FHIT: variants seen among roughly 807,000 people sequenced by gnomAD.
FHIT encodes bis(5'-adenosyl)-triphosphatase.
Under a neutral mutation model 17.9 loss-of-function variants are expected in FHIT, and 19 were observed. The observed-to-expected ratio is 1.06, with a 90% confidence interval of 0.74 to 1.56. The LOEUF is 1.56. FHIT is among the 40% of genes most tolerant of loss of function. The pLI is 0.00. For missense variants in FHIT, 248 were observed against 189.2 expected (o/e 1.31, Z -1.82); for synonymous variants, 81 against 69.7 (o/e 1.16, Z -0.81).
intron 5 of FHIT, among the ~76,000 whole-genome samples, chr3:60,414,846 C>T (rs917120767): frequency 6.6e-6 from 1 of 152,142 alleles, no homozygotes; most frequent in South Asian, 2.1e-4. Flanking sequence ...TTGACCTCAT[C>T]TGGTTTGAAA....
intron 4 of FHIT, among the ~76,000 whole-genome samples, chr3:60,601,646 C>G (rs1553668814): frequency 6.6e-6 from 1 of 152,098 alleles, no homozygotes; most frequent in African/African-American, 2.4e-5. Flanking sequence ...TGCAAACTTA[C>G]TACCTGAATG....
intron 5 of FHIT, among the ~76,000 whole-genome samples, chr3:60,307,776 A>G (rs1473807105): frequency 6.6e-6 from 1 of 152,140 alleles, no homozygotes; most frequent in Non-Finnish European, 1.5e-5. Context: ...TTTCCCTACT[A>G]TGATGATCCC....
intron 5 of FHIT, among the ~76,000 whole-genome samples, chr3:60,468,180 T>C (rs952801813): frequency 1.3e-5 from 2 of 152,100 alleles, no homozygotes; most frequent in Non-Finnish European, 2.9e-5. Flanking sequence ...TCTATGTGTG[T>C]CTTTATATTA....
chr3:60,400,600 C>T (rs1289740591), intron 5 of FHIT, among the ~76,000 whole-genome samples: 3 of 152,046 alleles, frequency 2.0e-5, no homozygotes, highest in African/African-American at 7.2e-5. Flanking sequence ...GAGGTGCTGG[C>T]ATGCACACAG....
chr3:59,991,697 G>A (rs1029460605), intron 7 of FHIT, among the ~76,000 whole-genome samples: 1 of 151,982 alleles, frequency 6.6e-6, no homozygotes, highest in Non-Finnish European at 1.5e-5. Flanking sequence ...CCTGGCTCCT[G>A]AATCTTTTTA....
At chr3:60,386,192 G>C (rs989141881) in intron 5 of FHIT, among the ~76,000 whole-genome samples, 1 of 152,068 alleles carries the variant, frequency 6.6e-6, no homozygotes, top group African/African-American at 2.4e-5. Context: ...TTCTGCCTCT[G>C]GAAGACTCTC....
chr3:60,177,173 T>C (rs1701714160), intron 5 of FHIT, among the ~76,000 whole-genome samples: 1 of 150,132 alleles, frequency 6.7e-6, no homozygotes, highest in Non-Finnish European at 1.5e-5. Context: ...GAACAACAAA[T>C]GCTGCCCATA....
At chr3:60,136,622 C>T (rs1422997466) in intron 5 of FHIT, among the ~76,000 whole-genome samples, 1 of 149,368 alleles carries the variant, frequency 6.7e-6, no homozygotes, top group Non-Finnish European at 1.5e-5. Context: ...CCCAAATTCC[C>T]AGTGAGTTCA....
chr3:60,995,302 A>T lies in FHIT; in HGVS notation c.-111+46745T>A, dbSNP rs548564277. On this transcript the variant is annotated intron_variant, in intron 3 of 9. Coordinates refer to ENST00000492590, the MANE Select transcript of FHIT (RefSeq NM_002012.4). Reference sequence around the variant, plus strand: ...GCCACTGCACTCCAGCCTGGGGGACAGAGCGAGACTCTGTCTCAAAATAAT... The same window carrying T: ...GCCACTGCACTCCAGCCTGGGGGACTGAGCGAGACTCTGTCTCAAAATAAT... 1.1e-4 allele frequency among the ~76,000 whole-genome samples: 16 copies of T among 152,222 alleles called. No homozygotes were observed. In the East Asian group the frequency reaches 2.9e-3, roughly 28 times the overall value.
intron 5 of FHIT, among the ~76,000 whole-genome samples, chr3:60,395,611 G>A (rs1701408547): frequency 6.6e-6 from 1 of 152,118 alleles, no homozygotes; most frequent in Non-Finnish European, 1.5e-5. Flanking sequence ...AGGCTAATTT[G>A]TGCTTCATGA....
chr3:60,730,468 C>A, intron 4 of FHIT: 1 of 218,108 alleles, frequency 4.6e-6, no homozygotes, highest in South Asian at 9.4e-5. Context: ...ATTCTTAGGT[C>A]CTGTAATCTC....
intron 5 of FHIT, among the ~76,000 whole-genome samples, chr3:60,285,368 A>G (rs1707675420): frequency 6.6e-6 from 1 of 152,202 alleles, no homozygotes; most frequent in African/African-American, 2.4e-5. Flanking sequence ...TTATCTCTCC[A>G]GTGGTCTGCC....
intron 5 of FHIT, among the ~76,000 whole-genome samples, chr3:60,464,643 T>C (rs369085943): frequency 2.2e-4 from 33 of 152,140 alleles, no homozygotes; most frequent in African/African-American, 8.0e-4. Context: ...TTATTTCACT[T>C]AACACAATGA....
chr3:60,082,108 AT>A (rs1038425252), intron 5 of FHIT, among the ~76,000 whole-genome samples: 3 of 150,986 alleles, frequency 2.0e-5, no homozygotes, highest in African/African-American at 7.3e-5. Flanking sequence ...CTCTTTTTCA[AT>A]CCTTGACCCC....
At chr3:60,125,650 GTGTA>G (rs1256596002) in intron 5 of FHIT, among the ~76,000 whole-genome samples, 26 of 146,528 alleles carry the variant, frequency 1.8e-4, no homozygotes, top group African/African-American at 7.8e-5. Flanking sequence ...ATACATATGT[GTGTA>G]TGTGTTTGTG....
intron 5 of FHIT, among the ~76,000 whole-genome samples, chr3:60,492,942 T>C (rs935813331): frequency 6.6e-6 from 1 of 152,166 alleles, no homozygotes; most frequent in Admixed American, 6.5e-5. Flanking sequence ...AGTTAATCTT[T>C]ATTTGCTCTG....
At chr3:60,305,701 A>T (rs1345387312) in intron 5 of FHIT, among the ~76,000 whole-genome samples, 1 of 152,186 alleles carries the variant, frequency 6.6e-6, no homozygotes, top group Non-Finnish European at 1.5e-5. Flanking sequence ...AAGTACCATT[A>T]ACAGTAAGTA....
intron 5 of FHIT, among the ~76,000 whole-genome samples, chr3:60,304,416 C>T (rs1276586753): frequency 6.6e-6 from 1 of 151,918 alleles, no homozygotes; most frequent in Non-Finnish European, 1.5e-5. Flanking sequence ...TATACTTTCA[C>T]ATTGCTTACT....
At chr3:60,828,047 A>G (rs1257720230) in intron 3 of FHIT, among the ~76,000 whole-genome samples, 1 of 152,198 alleles carries the variant, frequency 6.6e-6, no homozygotes, top group Non-Finnish European at 1.5e-5. Context: ...TACCAACCAA[A>G]TAGGTGCATG....
Sources: gnomAD v4.1 joint callset for allele counts (sites outside exome capture counted in the v4.1 genomes callset) on GRCh38, gnomAD v4.1.1 for gene constraint, MANE v1.5 for transcripts, NCBI Gene and HGNC (gene_info 2026-07-23, HGNC 2026-07-21) for gene names.